The following SGCZ variants were observed in gnomAD, a reference collection of about 807,000 sequenced individuals.
SGCZ encodes the protein zeta-sarcoglycan.
SGCZ carries 40 observed loss-of-function variants against 41.3 expected under a neutral mutation model. The observed-to-expected ratio is 0.97, with a 90% CI of 0.75 to 1.26. SGCZ has a LOEUF of 1.26. Among genes scored for constraint, SGCZ ranks in the 50% most tolerant of loss-of-function variants. The pLI, the probability that SGCZ is intolerant of heterozygous loss-of-function variation, is 0.00. For synonymous variants in SGCZ, 206 were observed against 137.5 expected, an observed-to-expected ratio of 1.50 and a Z score of -3.49; for missense variants, 552 against 369.8, an observed-to-expected ratio of 1.49 and a Z score of -4.04.
intron 1 of SGCZ, among the ~76,000 whole-genome samples, chr8:14,792,468 T>C (rs1314938702): frequency 6.6e-6 from 1 of 152,182 alleles, no homozygotes; most frequent in Non-Finnish European, 1.5e-5. Context: ...CTCTCCACTA[T>C]GCTAGTCAAG....
intron 2 of SGCZ, among the ~76,000 whole-genome samples, chr8:14,542,144 C>T (rs1011049446): frequency 6.6e-6 from 1 of 152,096 alleles, no homozygotes; most frequent in Non-Finnish European, 1.5e-5. Flanking sequence ...AATTAGATCA[C>T]ATTTGTCAAT....
At chr8:14,236,657 T>G (rs765366021) in intron 4 of SGCZ, among the ~76,000 whole-genome samples, 1 of 151,536 alleles carries the variant, frequency 6.6e-6, no homozygotes, top group Non-Finnish European at 1.5e-5. Context: ...TCATTCTCTC[T>G]CTCTCTATAT....
chr8:14,524,690 T>C (rs1802887020), intron 2 of SGCZ, among the ~76,000 whole-genome samples: 1 of 152,144 alleles, frequency 6.6e-6, no homozygotes, highest in Admixed American at 6.6e-5. Context: ...TAGGAAATTA[T>C]TTACCTTTGA....
At chr8:14,218,815 T>A (rs182167402) in intron 4 of SGCZ, among the ~76,000 whole-genome samples, 3 of 152,266 alleles carry the variant, frequency 2.0e-5, no homozygotes, top group African/African-American at 7.2e-5. Flanking sequence ...GAATGTACAG[T>A]GTTGTGGTGG....
intron 2 of SGCZ, among the ~76,000 whole-genome samples, chr8:14,344,827 C>A (rs1034282627): frequency 6.6e-5 from 10 of 150,742 alleles, no homozygotes; most frequent in African/African-American, 2.5e-4. Context: ...ATCAAAATTA[C>A]TAAAACTACA....
At chr8:14,289,530 T>A (rs1250261014) in intron 3 of SGCZ, among the ~76,000 whole-genome samples, 1 of 152,096 alleles carries the variant, frequency 6.6e-6, no homozygotes, top group Non-Finnish European at 1.5e-5. Flanking sequence ...GACTATGACT[T>A]TCCCATCAGA....
At chr8:14,113,926 ATCTCT>A (rs1212948820) in intron 5 of SGCZ, among the ~76,000 whole-genome samples, 2 of 151,910 alleles carry the variant, frequency 1.3e-5, no homozygotes, top group African/African-American at 4.8e-5. Context: ...TTTGATGGTA[ATCTCT>A]TCTCATTTTT....
chr8:15,131,881 G>C (rs1807920244), intron 1 of SGCZ, among the ~76,000 whole-genome samples: 1 of 152,178 alleles, frequency 6.6e-6, no homozygotes, highest in Non-Finnish European at 1.5e-5. Flanking sequence ...AGGTCTGCAA[G>C]CTCTTCATCT....
intron 2 of SGCZ, among the ~76,000 whole-genome samples, chr8:14,422,339 T>C (rs997289272): frequency 6.6e-6 from 1 of 152,226 alleles, no homozygotes; most frequent in Non-Finnish European, 1.5e-5. Context: ...GACTATACAA[T>C]ACATATATTT....
intron 1 of SGCZ, among the ~76,000 whole-genome samples, chr8:15,083,626 G>A (rs916610498): frequency 6.6e-6 from 1 of 152,098 alleles, no homozygotes; most frequent in Non-Finnish European, 1.5e-5. Context: ...ACAGCTCACT[G>A]CAGCCTTGAC....
At chr8:15,154,750 G>C (rs1175471135) in intron 1 of SGCZ, among the ~76,000 whole-genome samples, 1 of 152,150 alleles carries the variant, frequency 6.6e-6, no homozygotes, top group Non-Finnish European at 1.5e-5. Flanking sequence ...GGAGTATTTA[G>C]TAATTCGACT....
At chr8:14,420,854 A>G (rs1003681778) in intron 2 of SGCZ, among the ~76,000 whole-genome samples, 4 of 152,088 alleles carry the variant, frequency 2.6e-5, no homozygotes, top group African/African-American at 9.7e-5. Flanking sequence ...TTGTAACTCT[A>G]TTAGAATAAA....
intron 1 of SGCZ, among the ~76,000 whole-genome samples, chr8:14,615,609 A>C (rs112446138): frequency 3.0e-4 from 45 of 152,326 alleles, no homozygotes; most frequent in African/African-American, 9.1e-4. Flanking sequence ...AAAGATTTTA[A>C]ACATCACCCC....
chr8:14,503,390 C>G (rs34448203), intron 2 of SGCZ, among the ~76,000 whole-genome samples: 1 of 151,934 alleles, frequency 6.6e-6, no homozygotes, highest in Non-Finnish European at 1.5e-5. Context: ...CACGTGCATA[C>G]CTATGTAACA....
chr8:15,146,881 T>G (rs1406050116), intron 1 of SGCZ, among the ~76,000 whole-genome samples: 4 of 152,326 alleles, frequency 2.6e-5, no homozygotes, highest in East Asian at 1.9e-4. Context: ...AAAATTATGT[T>G]AATACTGTAT....
rs537320484 is a variant in SGCZ, at chr8:14,830,463, TTC to T, written c.40-275539_40-275538del. On this transcript the variant is annotated intron_variant, in intron 1 of 7. Coordinates refer to ENST00000382080, the MANE Select transcript of SGCZ (RefSeq NM_139167.4). ...ATCATTCTTTATTCTTCCTCTTTCT[TTC>T]TCTCTCTTTTGCAGAGTTCTACATA... 3.9e-5 allele frequency among the ~76,000 whole-genome samples: 6 copies of T among 152,306 alleles called. No individual in the cohort carries two copies. The South Asian group carries it at 1.2e-3, about 32-fold the overall frequency.
At chr8:15,050,807 C>A (rs1164162013) in intron 1 of SGCZ, among the ~76,000 whole-genome samples, 1 of 152,090 alleles carries the variant, frequency 6.6e-6, no homozygotes, top group Non-Finnish European at 1.5e-5. Context: ...AAAATGAAGA[C>A]AATAACCAGA....
At chr8:15,139,100 T>C (rs989683729) in intron 1 of SGCZ, among the ~76,000 whole-genome samples, 1 of 152,178 alleles carries the variant, frequency 6.6e-6, no homozygotes, top group Admixed American at 6.5e-5. Context: ...CAAATGAATA[T>C]AAACAGGCCA....
chr8:14,443,505 C>T (rs553059397), intron 2 of SGCZ, among the ~76,000 whole-genome samples: 12 of 152,076 alleles, frequency 7.9e-5, no homozygotes, highest in East Asian at 7.7e-4. Flanking sequence ...GAAATAACAC[C>T]GCATATCTAC....
Sources: gnomAD v4.1 joint callset for allele counts (sites outside exome capture counted in the v4.1 genomes callset) on GRCh38, gnomAD v4.1.1 for gene constraint, MANE v1.5 for transcripts, NCBI Gene and HGNC (gene_info 2026-07-23, HGNC 2026-07-21) for gene names.